The following MCTP2 variants were observed in gnomAD, a reference collection of about 807,000 sequenced individuals.
MCTP2 encodes multiple C2 and transmembrane domain-containing protein 2.
Under a neutral mutation model 111.6 loss-of-function variants are expected in MCTP2, and 132 were observed. The ratio of observed to expected loss-of-function variants is 1.18; its 90% CI spans 1.03 to 1.37. The LOEUF is 1.37. MCTP2 is among the 40% of genes most tolerant of loss of function. The pLI is 0.00. For synonymous variants in MCTP2, 395 were observed against 387.7 expected, an observed-to-expected ratio of 1.02 and a Z score of -0.22; for missense variants, 1,183 against 1,067.9, an observed-to-expected ratio of 1.11 and a Z score of -1.50.
In MCTP2 at chr15:94,338,756, T is replaced by C. The variant is rs1436419212; in HGVS notation, c.638-534T>C. On this transcript the variant is annotated intron_variant, in intron 4 of 22. Coordinates refer to ENST00000357742, the MANE Select transcript of MCTP2 (RefSeq NM_001385001.1). ...GCAGGTGCGGGGACGCAGCAAAGAA[T>C]GGCAACTTTGTCAATTTAATCTCTA... 3.3e-5 allele frequency among the ~76,000 whole-genome samples: 5 copies of C among 152,336 alleles called. No homozygotes were observed. In the East Asian group the frequency reaches 9.6e-4, roughly 29 times the overall value.
intron 14 of MCTP2, among the ~76,000 whole-genome samples, chr15:94,395,165 T>G (rs2081216468): frequency 6.6e-6 from 1 of 152,256 alleles, no homozygotes; most frequent in Admixed American, 6.5e-5. Flanking sequence ...GCCACATGTC[T>G]GTCCTCGTCA....
intron 17 of MCTP2, among the ~76,000 whole-genome samples, chr15:94,433,486 G>A (rs1390221112): frequency 6.6e-6 from 1 of 152,108 alleles, no homozygotes; most frequent in African/African-American, 2.4e-5. Flanking sequence ...GTGTTTCTGA[G>A]TATTGTTCTA....
At chr15:94,286,193 C>G (rs993376513) in intron 1 of MCTP2, among the ~76,000 whole-genome samples, 1 of 151,976 alleles carries the variant, frequency 6.6e-6, no homozygotes, top group Admixed American at 6.6e-5. Context: ...TTGTTTTTGC[C>G]GCAAGCATAA....
At chr15:94,298,956 TCTCTCC>T in intron 2 of MCTP2, among the ~76,000 whole-genome samples, 1 of 6,634 alleles carries the variant, frequency 1.5e-4, no homozygotes, top group African/African-American at 1.2e-3. Flanking sequence ...CCTCTCTCCC[TCTCTCC>T]CTCTCTCCCT....
At chr15:94,256,831 C>G (rs1193297807) in intron 1 of MCTP2, among the ~76,000 whole-genome samples, 3 of 152,140 alleles carry the variant, frequency 2.0e-5, no homozygotes, top group Non-Finnish European at 2.9e-5. Context: ...ATCAAAGAAC[C>G]TTTGATACTT....
At chr15:94,273,622 A>G (rs74030912) in intron 1 of MCTP2, 5,481 of 202,346 alleles carry the variant, frequency 0.027, 318 homozygotes, top group African/African-American at 0.12. Flanking sequence ...CAGAAATACA[A>G]TGTCTGCTCC....
intron 16 of MCTP2, among the ~76,000 whole-genome samples, chr15:94,401,217 C>T (rs1204440424): frequency 2.6e-5 from 4 of 152,046 alleles, no homozygotes; most frequent in Non-Finnish European, 4.4e-5. Flanking sequence ...ACTTAGTCCC[C>T]CCAAATTTTG....
chr15:94,471,759 GAAAAA>G (rs200725385), intron 21 of MCTP2, among the ~76,000 whole-genome samples: 3 of 131,762 alleles, frequency 2.3e-5, no homozygotes, highest in African/African-American at 8.6e-5. Flanking sequence ...GGCATATTTT[GAAAAA>G]AAAAAAAAAA....
chr15:94,366,602 G>A (rs2079196972), intron 10 of MCTP2, among the ~76,000 whole-genome samples: 1 of 152,044 alleles, frequency 6.6e-6, no homozygotes, highest in Non-Finnish European at 1.5e-5. Flanking sequence ...GACAGCTTAG[G>A]GTAAGAATCT....
At chr15:94,379,084 T>C (rs1226985836) in intron 12 of MCTP2, among the ~76,000 whole-genome samples, 2 of 151,032 alleles carry the variant, frequency 1.3e-5, no homozygotes, top group African/African-American at 4.9e-5. Flanking sequence ...TTTTTTTTAA[T>C]GTTTTCCTTT....
rs1169783409 is a variant in MCTP2 at position 94,390,049 on chromosome 15, CATATATATATATATATAT to C, written c.1788+4547_1788+4564del. On this transcript the variant is annotated intron_variant, in intron 14 of 22. Coordinates refer to ENST00000357742, the MANE Select transcript of MCTP2 (RefSeq NM_001385001.1). The stretch of plus-strand genomic sequence containing the variant: ...CATTATTGATGGTGAATGTTCAAGG[CATATATATATATATATAT>C]ATATATATATATATATATATATGTA... 3.7e-3 allele frequency among the ~76,000 whole-genome samples: 403 copies of C among 109,662 alleles called. 9 individuals are homozygous for C. The highest frequency in any genetic ancestry group is 0.016 in the African/African-American group (383 of 23,906). The allele number at this position is 109,662 out of a possible 152,430, so 71.9% of individuals were successfully genotyped here.
Position 94,341,080 on chromosome 15 carries a change from T to A in MCTP2, c.969+156T>A, listed in dbSNP as rs1596406428. On this transcript the variant is annotated intron_variant, in intron 7 of 22. Transcript: ENST00000357742. ...ATGGAGTCTTAAAATATCTGTTTTTTAATACAATGCTCTTCTTTGAGGAAC... is the reference window on the plus strand; with the variant it reads ...ATGGAGTCTTAAAATATCTGTTTTTAAATACAATGCTCTTCTTTGAGGAAC... 7.3e-5 allele frequency: 42 copies of A among 573,826 alleles called. No homozygotes were observed. In the South Asian group the frequency reaches 8.8e-4, roughly 12 times the overall value. The allele number at this position is 573,826 out of a possible 1,614,324, so 35.5% of individuals were successfully genotyped here.
chr15:94,348,138 G>A (rs886957206), intron 8 of MCTP2, among the ~76,000 whole-genome samples: 3 of 151,366 alleles, frequency 2.0e-5, no homozygotes, highest in African/African-American at 7.3e-5. Context: ...TTTTTTTTCT[G>A]TACGAAATTA....
intron 3 of MCTP2, 138 bp from the exon 4 acceptor site, chr15:94,315,391 T>C (rs2152364545): frequency 1.6e-6 from 1 of 609,488 alleles, no homozygotes. Context: ...CAAGTTGTCA[T>C]AGTGAGGAGG....
chr15:94,288,963 A>G (rs901258781), intron 1 of MCTP2, among the ~76,000 whole-genome samples: 3 of 152,218 alleles, frequency 2.0e-5, no homozygotes, highest in African/African-American at 7.2e-5. Context: ...AAATCAATAA[A>G]GGTTATCCAA....
At chr15:94,274,623 C>T (rs1361756399) in intron 1 of MCTP2, among the ~76,000 whole-genome samples, 3 of 152,026 alleles carry the variant, frequency 2.0e-5, no homozygotes, top group Non-Finnish European at 4.4e-5. Flanking sequence ...TTAACATGGA[C>T]AAACTCCCCC....
intron 4 of MCTP2, 68 bp downstream of exon 4, chr15:94,315,705 T>C: frequency 1.7e-6 from 2 of 1,144,802 alleles, no homozygotes; most frequent in Non-Finnish European, 2.6e-6. Context: ...TGTATCAATA[T>C]TGTCAGTCAG....
intron 1 of MCTP2, among the ~76,000 whole-genome samples, chr15:94,272,941 C>T (rs1010567395): frequency 6.6e-6 from 1 of 152,218 alleles, no homozygotes; most frequent in African/African-American, 2.4e-5. Flanking sequence ...TGCCCTCTCT[C>T]TTTGCTTCAC....
intron 1 of MCTP2, among the ~76,000 whole-genome samples, chr15:94,272,390 T>C (rs957733059): frequency 1.3e-5 from 2 of 152,202 alleles, no homozygotes; most frequent in African/African-American, 4.8e-5. Flanking sequence ...GAGAAGCACG[T>C]GCGTTTAGCG....
Sources: allele counts gnomAD v4.1 joint callset (sites outside exome capture counted in the v4.1 genomes callset), GRCh38; gene constraint gnomAD v4.1.1; transcripts MANE v1.5; gene names NCBI Gene and HGNC (gene_info 2026-07-23, HGNC 2026-07-21).